SH3PXD2A: variants seen among roughly 807,000 people sequenced by gnomAD.
SH3PXD2A encodes SH3 and PX domains 2A.
SH3PXD2A carries 32 observed loss-of-function variants against 115.2 expected under a neutral mutation model. That is an observed-to-expected ratio of 0.28 (90% CI 0.21 to 0.37). The LOEUF (loss-of-function observed/expected upper bound fraction) is 0.37. Among genes scored for constraint, SH3PXD2A ranks in the 10% least tolerant of loss-of-function variants. The pLI is 1.00. For missense variants in SH3PXD2A, 1,328 were observed against 1,498.7 expected (o/e 0.89, Z 1.88); for synonymous variants, 610 against 629.1 (o/e 0.97, Z 0.45).
At chr10:103,758,899 C>T (rs1019285296) in intron 3 of SH3PXD2A, among the ~76,000 whole-genome samples, 5 of 152,210 alleles carry the variant, frequency 3.3e-5, no homozygotes, top group Non-Finnish European at 5.9e-5. Context: ...CCCAGGTCAC[C>T]TGTGGGACCC....
rs565859875 is a variant in SH3PXD2A, at chr10:103,622,384, A to G, written c.802+86T>C. 3.3e-3 allele frequency: 2,875 copies of G among 876,812 alleles called. 6 individuals carry two copies. The highest frequency in any genetic ancestry group is 5.1e-3 in the South Asian group (344 of 66,838). The allele number at this position is 876,812 out of a possible 1,614,324, so 54.3% of individuals were successfully genotyped here. On this transcript the variant is annotated intron_variant, in intron 10 of 14. Coordinates refer to ENST00000369774, the MANE Select transcript of SH3PXD2A (RefSeq NM_001394015.1). ...TGGGTGAACAAGGAGGCCACAGGGC[A>G]GAGAGCAGAGCCCGGAAAGAAAGAG...
At chr10:103,776,444 G>GTC (rs2038880407) in intron 2 of SH3PXD2A, among the ~76,000 whole-genome samples, 1 of 149,406 alleles carries the variant, frequency 6.7e-6, no homozygotes, top group Non-Finnish European at 1.5e-5. Context: ...GTCTGTGTGT[G>GTC]TGTGTGTGTG....
rs898770522 is a variant in SH3PXD2A at position 103,599,444 on chromosome 10, A to C, written c.*2372T>G. The C allele has an allele frequency of 1.3e-5, 2 of 152,652 alleles. No homozygotes were observed. The highest frequency in any genetic ancestry group is 4.8e-5 in the African/African-American group (2 of 41,442). The allele number at this position is 152,652 out of a possible 1,614,324, so 9.5% of individuals were successfully genotyped here. ...TAGTGACTGAACTGGCTCAGTGCAG[A>C]CATCTGAGGAGCGAGGCTGCAGGGC... On this transcript the variant is annotated 3_prime_UTR_variant, in exon 15 of 15. Coordinates refer to ENST00000369774, the MANE Select transcript of SH3PXD2A (RefSeq NM_001394015.1).
At chr10:103,644,942 G>A (rs989171691) in intron 8 of SH3PXD2A, among the ~76,000 whole-genome samples, 4 of 152,270 alleles carry the variant, frequency 2.6e-5, no homozygotes, top group East Asian at 1.9e-4. Flanking sequence ...GAAGTACCCC[G>A]TCTTGCTTTT....
intron 6 of SH3PXD2A, among the ~76,000 whole-genome samples, chr10:103,682,895 G>C (rs947073728): frequency 1.6e-4 from 24 of 152,304 alleles, no homozygotes; most frequent in Non-Finnish European, 3.2e-4. Flanking sequence ...TAAGTAGCCT[G>C]GGCCTTTCTC....
At chr10:103,774,286 C>A (rs1310866212) in intron 2 of SH3PXD2A, among the ~76,000 whole-genome samples, 1 of 152,194 alleles carries the variant, frequency 6.6e-6, no homozygotes, top group South Asian at 2.1e-4. Context: ...TGGATCATTT[C>A]TAATGATCTA....
chr10:103,659,946 C>T (rs2037266437), intron 8 of SH3PXD2A, among the ~76,000 whole-genome samples: 1 of 152,170 alleles, frequency 6.6e-6, no homozygotes, highest in South Asian at 2.1e-4. Context: ...CCCGCAACCT[C>T]CCTGTGTCTC....
chr10:103,602,013 T>A lies in SH3PXD2A; in HGVS notation c.3205A>T (p.Ile1069Phe), dbSNP rs375843443. Reference sequence around the variant, plus strand: ...TACACATCTTTGAGGTTATTGTGGATGAACTGAGACTTCTCGATGGGCTTG... The same window carrying A: ...TACACATCTTTGAGGTTATTGTGGAAGAACTGAGACTTCTCGATGGGCTTG... Reference protein sequence around the residue: ...RPKPIEKSQFIHNNLKDVYVS... With the variant: ...RPKPIEKSQFFHNNLKDVYVS... Residue 1069 changes from isoleucine to phenylalanine, a missense_variant, in exon 15 of 15, where the codon ATC (isoleucine) becomes TTC (phenylalanine). Coordinates refer to ENST00000369774, the MANE Select transcript of SH3PXD2A (RefSeq NM_001394015.1). 6.2e-7 allele frequency: 1 copy of A among 1,613,752 alleles called. No homozygotes were observed. The highest frequency in any genetic ancestry group is 8.5e-7 in the Non-Finnish European group (1 of 1,179,820).
intron 7 of SH3PXD2A, chr10:103,662,030 A>G: frequency 1.2e-6 from 1 of 860,090 alleles, no homozygotes; most frequent in Non-Finnish European, 1.4e-6. Context: ...CCCTGCTTCC[A>G]GAGAGGGCCC....
rs1276917466 is a variant in SH3PXD2A, at chr10:103,596,090, G to A, written c.*5726C>T. 1 of 152,160 alleles carries A rather than the reference G, an allele frequency of 6.6e-6. No individual in the cohort carries two copies. Among genetic ancestry groups the A allele is most frequent in the Non-Finnish European group, 1.5e-5 (1 of 68,024 alleles). The allele number at this position is 152,160 out of a possible 1,614,324, so 9.4% of individuals were successfully genotyped here. A position where few individuals can be genotyped will look rare whatever the true frequency, so the allele number is the denominator to read the frequency against. On this transcript the variant is annotated 3_prime_UTR_variant, in exon 15 of 15. Transcript: ENST00000369774. The stretch of plus-strand genomic sequence containing the variant: ...GTGTTTGGTCTGGCCCTGCAGTTGG[G>A]ACTAAACTTATATGCACCTGCAGGT...
intron 8 of SH3PXD2A, among the ~76,000 whole-genome samples, chr10:103,657,115 T>C (rs913951643): frequency 6.6e-6 from 1 of 152,004 alleles, no homozygotes; most frequent in Non-Finnish European, 1.5e-5. Flanking sequence ...AAAAAAATGA[T>C]GGACCAGGAG....
At chr10:103,636,343 A>ATG (rs1383471608) in intron 8 of SH3PXD2A, among the ~76,000 whole-genome samples, 2 of 149,934 alleles carry the variant, frequency 1.3e-5, no homozygotes, top group Admixed American at 1.3e-4. Flanking sequence ...TGAGAGGCGG[A>ATG]GCTTGCAGTG....
At chr10:103,696,533 G>A (rs746086574) in intron 5 of SH3PXD2A, among the ~76,000 whole-genome samples, 2 of 152,018 alleles carry the variant, frequency 1.3e-5, no homozygotes, top group Non-Finnish European at 2.9e-5. Flanking sequence ...TCCACACTCC[G>A]TCCTTGCTCC....
chr10:103,772,641 C>A (rs183296166), intron 2 of SH3PXD2A, among the ~76,000 whole-genome samples: 116 of 152,330 alleles, frequency 7.6e-4, no homozygotes, highest in African/African-American at 2.6e-3. Flanking sequence ...CTGGGCTCCA[C>A]GCGCTGGCTC....
intron 8 of SH3PXD2A, among the ~76,000 whole-genome samples, chr10:103,650,704 T>C (rs190019382): frequency 3.9e-5 from 6 of 152,350 alleles, no homozygotes; most frequent in Non-Finnish European, 8.8e-5. Flanking sequence ...CTGAGCAAAC[T>C]TGACAGTATT....
Position 103,620,313 on chromosome 10 carries a change from C to T in SH3PXD2A, c.802+2157G>A, listed in dbSNP as rs2036584148. ...CCCTGGGGAGGGCTGGCCAGGCGGT[C>T]AGCCGGGTGGGTGAGGGGGATAGGC... On this transcript the variant is annotated intron_variant, in intron 10 of 14. Transcript: ENST00000369774. The surrounding 1 kb of genome is among the most constrained non-coding windows in gnomAD (Gnocchi z 5.3). 6.6e-6 allele frequency among the ~76,000 whole-genome samples: 1 copy of T among 152,160 alleles called. No homozygotes were observed. Among genetic ancestry groups the T allele is most frequent in the Non-Finnish European group, 1.5e-5 (1 of 68,012 alleles).
intron 1 of SH3PXD2A, among the ~76,000 whole-genome samples, chr10:103,853,237 GAACAAGTT>G (rs1842912376): frequency 6.6e-6 from 1 of 152,198 alleles, no homozygotes; most frequent in African/African-American, 2.4e-5. Context: ...TTTTCACATA[GAACAAGTT>G]ATTATCAATC....
intron 2 of SH3PXD2A, among the ~76,000 whole-genome samples, chr10:103,791,450 A>G (rs956809120): frequency 1.3e-5 from 2 of 152,198 alleles, no homozygotes; most frequent in African/African-American, 4.8e-5. Flanking sequence ...AGCACGGTGC[A>G]TATCTGACAA....
intron 9 of SH3PXD2A, among the ~76,000 whole-genome samples, chr10:103,624,147 T>C (rs1296078394): frequency 6.6e-6 from 1 of 152,214 alleles, no homozygotes; most frequent in East Asian, 1.9e-4. Flanking sequence ...CCCCGAGCTA[T>C]TGCTGTTCCC....
Sources: gnomAD v4.1 joint callset for allele counts (sites outside exome capture counted in the v4.1 genomes callset) on GRCh38, gnomAD v4.1.1 for gene constraint, Gnocchi (gnomAD v3.1) non-coding constraint, MANE v1.5 for transcripts, NCBI Gene and HGNC (gene_info 2026-07-23, HGNC 2026-07-21) for gene names.